The following CEP120 variants were observed in gnomAD, a reference collection of about 807,000 sequenced individuals.
The protein encoded by CEP120 is centrosomal protein of 120 kDa.
A neutral mutation model predicts 126.5 loss-of-function variants in CEP120; 113 were observed. The observed-to-expected ratio is 0.89, with a 90% confidence interval of 0.77 to 1.04. The LOEUF is 1.04. Ranked by LOEUF, CEP120 falls within the 50% of genes least tolerant of loss-of-function variation. CEP120 has a pLI of 0.00. For synonymous variants in CEP120, 400 were observed against 394.3 expected, an observed-to-expected ratio of 1.01 and a Z score of -0.17; for missense variants, 1,230 against 1,155.7, an observed-to-expected ratio of 1.06 and a Z score of -0.93.
intron 9 of CEP120, among the ~76,000 whole-genome samples, chr5:123,387,679 T>C (rs1772117468): frequency 6.6e-6 from 1 of 152,116 alleles, no homozygotes; most frequent in African/African-American, 2.4e-5. Flanking sequence ...AACAATTTAT[T>C]TCCTCAACTT....
intron 6 of CEP120, among the ~76,000 whole-genome samples, chr5:123,392,077 A>C (rs1772442598): frequency 6.6e-6 from 1 of 152,162 alleles, no homozygotes; most frequent in Non-Finnish European, 1.5e-5. Flanking sequence ...CATGCTGTAA[A>C]ATATATTTAG....
intron 11 of CEP120, among the ~76,000 whole-genome samples, chr5:123,384,696 G>A (rs1771900862): frequency 6.6e-6 from 1 of 152,092 alleles, no homozygotes; most frequent in Non-Finnish European, 1.5e-5. Flanking sequence ...AAAATAATTA[G>A]CCATCTGAAT....
intron 17 of CEP120, among the ~76,000 whole-genome samples, chr5:123,371,977 G>T (rs2127019910): frequency 6.6e-6 from 1 of 152,094 alleles, no homozygotes; most frequent in South Asian, 2.1e-4. Flanking sequence ...AACACATATG[G>T]TCAAACTTGT....
chr5:123,407,474 A>G (rs1773773184), intron 4 of CEP120, among the ~76,000 whole-genome samples: 1 of 152,214 alleles, frequency 6.6e-6, no homozygotes, highest in Non-Finnish European at 1.5e-5. Flanking sequence ...GACCAAAGAA[A>G]GTTCACAGGG....
At chr5:123,401,227 C>A in intron 4 of CEP120, 1 of 1,612,816 alleles carries the variant, frequency 6.2e-7, no homozygotes, top group Non-Finnish European at 8.5e-7. Context: ...TCCTGGTACT[C>A]ACGCAGCTGC....
intron 5 of CEP120, among the ~76,000 whole-genome samples, chr5:123,396,355 C>T (rs191996443): frequency 0.018 from 2,691 of 151,622 alleles, 83 homozygotes; most frequent in African/African-American, 0.061. Flanking sequence ...TTCTGTTTAA[C>T]TTTGTGAGGA....
intron 4 of CEP120, among the ~76,000 whole-genome samples, chr5:123,400,322 G>T (rs1219998756): frequency 6.6e-6 from 1 of 151,806 alleles, no homozygotes; most frequent in Non-Finnish European, 1.5e-5. Flanking sequence ...TTATAGAGTT[G>T]TTGAAAGATC....
intron 14 of CEP120, among the ~76,000 whole-genome samples, chr5:123,380,785 T>C (rs1771584932): frequency 6.6e-6 from 1 of 152,092 alleles, no homozygotes; most frequent in African/African-American, 2.4e-5. Flanking sequence ...AAAATGGTAT[T>C]TTCCAGCTCC....
chr5:123,383,385 T>C (rs751766724), intron 11 of CEP120, among the ~76,000 whole-genome samples: 3 of 152,172 alleles, frequency 2.0e-5, no homozygotes, highest in Non-Finnish European at 2.9e-5. Context: ...ATTGCTAATA[T>C]GTAGTTTATT....
chr5:123,362,284 T>TAC (rs1374999396), intron 18 of CEP120, among the ~76,000 whole-genome samples: 7 of 151,770 alleles, frequency 4.6e-5, no homozygotes, highest in South Asian at 2.1e-4. Flanking sequence ...CGATGACCCC[T>TAC]ACCTCAGTAC....
chr5:123,413,816 C>A (rs1005102729), intron 3 of CEP120, among the ~76,000 whole-genome samples: 2 of 152,068 alleles, frequency 1.3e-5, no homozygotes, highest in African/African-American at 4.8e-5. Context: ...TTTCTTATAA[C>A]AAATATGTTA....
intron 19 of CEP120, 95 bp downstream of exon 19, chr5:123,349,849 T>C (rs1168204396): frequency 1.1e-6 from 1 of 950,432 alleles, no homozygotes; most frequent in African/African-American, 1.7e-5. Flanking sequence ...TTATATATTT[T>C]TATATATGAT....
chr5:123,354,969 T>C (rs1372496148), intron 18 of CEP120, among the ~76,000 whole-genome samples: 1 of 149,472 alleles, frequency 6.7e-6, no homozygotes, highest in Non-Finnish European at 1.5e-5. Context: ...CAAAGTGTGA[T>C]GTCCCCCTTC....
At chr5:123,375,648 A>G (rs1771161364) in intron 16 of CEP120, among the ~76,000 whole-genome samples, 1 of 152,098 alleles carries the variant, frequency 6.6e-6, no homozygotes, top group Non-Finnish European at 1.5e-5. Flanking sequence ...CAAGGTACAG[A>G]TATGTGTATT....
intron 2 of CEP120, among the ~76,000 whole-genome samples, chr5:123,416,358 C>A (rs1774395144): frequency 6.6e-6 from 1 of 151,804 alleles, no homozygotes; most frequent in Admixed American, 6.6e-5. Context: ...GTCAGGAAAT[C>A]GAGACCATCC....
chr5:123,356,037 C>G (rs1769586598), intron 18 of CEP120, among the ~76,000 whole-genome samples: 2 of 152,134 alleles, frequency 1.3e-5, no homozygotes, highest in Non-Finnish European at 2.9e-5. Flanking sequence ...AATAGGGAAT[C>G]CTTTCCCCAT....
At chr5:123,346,887 C>T in intron 19 of CEP120, 134 bp from the exon 20 acceptor site, 1 of 622,996 alleles carries the variant, frequency 1.6e-6, no homozygotes, top group East Asian at 3.0e-5. Flanking sequence ...CCAAAAAAAA[C>T]CAGTGTTCCA....
At chr5:123,402,700 G>A (rs1278951324) in intron 4 of CEP120, among the ~76,000 whole-genome samples, 1 of 152,176 alleles carries the variant, frequency 6.6e-6, no homozygotes, top group African/African-American at 2.4e-5. Flanking sequence ...GTGAGCCACC[G>A]CACCTGGCAC....
intron 4 of CEP120, chr5:123,401,229 C>A: frequency 6.2e-7 from 1 of 1,612,662 alleles, no homozygotes; most frequent in Admixed American, 1.7e-5. Context: ...CTGGTACTCA[C>A]GCAGCTGCCA....
Sources: gnomAD v4.1 joint callset for allele counts (sites outside exome capture counted in the v4.1 genomes callset) on GRCh38, gnomAD v4.1.1 for gene constraint, MANE v1.5 for transcripts, NCBI Gene and HGNC (gene_info 2026-07-23, HGNC 2026-07-21) for gene names.